The following MAP7 variants were observed in gnomAD, a reference collection of about 807,000 sequenced individuals.
MAP7 encodes microtubule associated protein 7.
In MAP7, 52 loss-of-function variants were observed where a neutral mutation model predicts 94.8. The observed-to-expected ratio is 0.55, with a 90% CI of 0.44 to 0.69. MAP7 has a LOEUF of 0.69. Ranked by LOEUF, MAP7 falls within the 30% of genes least tolerant of loss-of-function variation. The probability of loss-of-function intolerance (pLI) is 0.00; values close to 1 mark genes in which losing one functional copy is unlikely to be tolerated. For missense variants in MAP7, 940 were observed against 964.6 expected (o/e 0.97, Z 0.34); for synonymous variants, 350 against 357.0 (o/e 0.98, Z 0.22).
chr6:136,360,783 G>C lies in MAP7; in HGVS notation c.1717C>G (p.Arg573Gly), dbSNP rs774573471. 1.2e-6 allele frequency: 2 copies of C among 1,613,556 alleles called. No individual in the cohort carries two copies. Among genetic ancestry groups the C allele is most frequent in the East Asian group, 2.2e-5 (1 of 44,890 alleles). Residue 573 changes from arginine to glycine, a missense_variant, in exon 13 of 18, where the codon CGC (arginine) becomes GGC (glycine). Physicochemically the swap from Arg to Gly is moderately radical, Grantham distance 125 (BLOSUM62 -2). Transcript: ENST00000354570. ...ACCCTCTCTGCTTCTTCACGAACGC[G>C]AGCTTCTTCTTCTTTCTGAAAACAG... The part of the protein sequence containing the change: ...RAQRQKEEEA[R>G]VREEAERVRQ...
chr6:136,366,789 T>C (rs993620279), intron 8 of MAP7, among the ~76,000 whole-genome samples: 1 of 152,192 alleles, frequency 6.6e-6, no homozygotes, highest in Admixed American at 6.5e-5. Context: ...AAATGTCAAA[T>C]GTTACTTTCA....
intron 1 of MAP7, among the ~76,000 whole-genome samples, chr6:136,487,700 C>T (rs79482851): frequency 0.031 from 4,671 of 150,650 alleles, 248 homozygotes; most frequent in African/African-American, 0.11. Flanking sequence ...CAGAGCATGA[C>T]TTGATCTCCA....
intron 17 of MAP7, among the ~76,000 whole-genome samples, chr6:136,345,308 T>G (rs1787360582): frequency 6.6e-6 from 1 of 152,228 alleles, no homozygotes; most frequent in Non-Finnish European, 1.5e-5. Flanking sequence ...AGACTCAGTG[T>G]GAGTACTGGT....
At chr6:136,362,001 C>T (rs1365045727) in intron 11 of MAP7, among the ~76,000 whole-genome samples, 1 of 152,174 alleles carries the variant, frequency 6.6e-6, no homozygotes, top group African/African-American at 2.4e-5. Flanking sequence ...TACACACACA[C>T]TCCCATACTG....
chr6:136,435,916 A>G (rs1796270051), intron 1 of MAP7, among the ~76,000 whole-genome samples: 1 of 152,208 alleles, frequency 6.6e-6, no homozygotes, highest in Non-Finnish European at 1.5e-5. Context: ...GGGATTTTAT[A>G]ATAACATTAC....
At chr6:136,350,030 A>G (rs548666545) in intron 16 of MAP7, among the ~76,000 whole-genome samples, 1 of 152,330 alleles carries the variant, frequency 6.6e-6, no homozygotes, top group South Asian at 2.1e-4. Flanking sequence ...TTACGAATAT[A>G]TTAGGTACTA....
At position 136,526,252 on chromosome 6, in the gene MAP7, C is replaced by T. The variant is rs925291833; in HGVS notation, c.67+24090G>A. ...GCACATGCGCTGGTGATTGCTCCGG[C>T]TCATGCATGCACGTACACGCGCGCG... On this transcript the variant is annotated intron_variant, in intron 1 of 17. Coordinates refer to ENST00000354570, the MANE Select transcript of MAP7 (RefSeq NM_003980.6). The T allele has an allele frequency of 7.8e-6, 9 of 1,155,460 alleles. No individual in the cohort carries two copies. In the African/African-American group the frequency reaches 1.4e-4, roughly 17 times the overall value. The allele number at this position is 1,155,460 out of a possible 1,614,324, so 71.6% of individuals were successfully genotyped here.
At chr6:136,372,076 C>A (rs893629915) in intron 8 of MAP7, among the ~76,000 whole-genome samples, 1 of 152,164 alleles carries the variant, frequency 6.6e-6, no homozygotes, top group Non-Finnish European at 1.5e-5. Flanking sequence ...TTTGAGTGAA[C>A]CACATTTAGA....
chr6:136,527,045 A>C (rs1039713570), intron 1 of MAP7, among the ~76,000 whole-genome samples: 1 of 152,106 alleles, frequency 6.6e-6, no homozygotes, highest in Admixed American at 6.5e-5. Context: ...GGAATTCTCC[A>C]AAGGAGAAAA....
intron 3 of MAP7, among the ~76,000 whole-genome samples, chr6:136,405,482 G>T (rs753265331): frequency 2.0e-5 from 3 of 152,188 alleles, no homozygotes; most frequent in Non-Finnish European, 2.9e-5. Flanking sequence ...AGTGCATTTG[G>T]CTGTAGTGTT....
chr6:136,419,983 G>A, intron 2 of MAP7: 1 of 729,204 alleles, frequency 1.4e-6, no homozygotes, highest in Non-Finnish European at 2.5e-6. Context: ...TACAATAACT[G>A]CAAAGGACTG....
At position 136,349,939 on chromosome 6, in the gene MAP7, C is replaced by A. The variant is rs974614103; in HGVS notation, c.2016-3860G>T. Among the ~76,000 whole-genome samples, 5 of 152,112 alleles carry A rather than the reference C, an allele frequency of 3.3e-5. No homozygotes were observed. The East Asian group carries it at 9.6e-4, about 29-fold the overall frequency. ...GTAATGTTAGGGGGTCGCCATCCTC[C>A]TGGGGTGCTGCTAGACAGTTTGCTG... On this transcript the variant is annotated intron_variant, in intron 16 of 17. Transcript: ENST00000354570.
At chr6:136,391,555 AAAC>A (rs58864802) in intron 3 of MAP7, among the ~76,000 whole-genome samples, 9,165 of 149,708 alleles carry the variant, frequency 0.061, 622 homozygotes, top group African/African-American at 0.17. Flanking sequence ...GTATAATAAA[AAAC>A]AACAACAACA....
chr6:136,511,345 T>C (rs1381567034), intron 1 of MAP7, among the ~76,000 whole-genome samples: 1 of 152,090 alleles, frequency 6.6e-6, no homozygotes, highest in Non-Finnish European at 1.5e-5. Flanking sequence ...AAAAGAAAAT[T>C]TGATTCCCCA....
intron 3 of MAP7, among the ~76,000 whole-genome samples, chr6:136,403,254 C>T (rs1582809426): frequency 1.3e-5 from 2 of 152,196 alleles, no homozygotes; most frequent in South Asian, 4.1e-4. Flanking sequence ...ACCTGCCATC[C>T]TCATCTTTAT....
At chr6:136,546,219 C>G (rs1419675110) in intron 1 of MAP7, among the ~76,000 whole-genome samples, 5 of 151,946 alleles carry the variant, frequency 3.3e-5, no homozygotes, top group African/African-American at 1.2e-4. Flanking sequence ...TACCACGTAA[C>G]CCAGGCTAGT....
intron 7 of MAP7, 98 bp downstream of exon 7, chr6:136,377,657 A>G: frequency 1.2e-6 from 1 of 857,324 alleles, no homozygotes; most frequent in East Asian, 2.6e-5. Flanking sequence ...GGGGGAAGAG[A>G]GAAGCGCATT....
chr6:136,548,433 G>A (rs951561694), intron 1 of MAP7, among the ~76,000 whole-genome samples: 1 of 152,104 alleles, frequency 6.6e-6, no homozygotes, highest in African/African-American at 2.4e-5. Context: ...ATAGGAAAGA[G>A]ATGCGGGGCC....
intron 12 of MAP7, 37 bp from the exon 13 acceptor site, chr6:136,360,835 A>T (rs1367182400): frequency 1.5e-5 from 24 of 1,606,758 alleles, no homozygotes; most frequent in African/African-American, 8.0e-5. Context: ...TCTGACAAAC[A>T]GGCGGGCTGC....
Sources: gnomAD v4.1 joint callset for allele counts (sites outside exome capture counted in the v4.1 genomes callset) on GRCh38, gnomAD v4.1.1 for gene constraint, MANE v1.5 for transcripts, NCBI Gene and HGNC (gene_info 2026-07-23, HGNC 2026-07-21) for gene names.